STARD3NL: variants seen among roughly 807,000 people sequenced by gnomAD.
STARD3NL encodes the protein STARD3 N-terminal like.
STARD3NL carries 17 observed loss-of-function variants against 30.9 expected under a neutral mutation model. That is an observed-to-expected ratio of 0.55 (90% CI 0.38 to 0.82). The LOEUF is 0.82. Among genes scored for constraint, STARD3NL ranks in the 40% least tolerant of loss-of-function variants. The pLI, the probability that STARD3NL is intolerant of heterozygous loss-of-function variation, is 0.00. For synonymous variants in STARD3NL, 112 were observed against 100.5 expected (o/e 1.11, Z -0.69); for missense variants, 234 against 277.6 (o/e 0.84, Z 1.12).
intron 2 of STARD3NL, among the ~76,000 whole-genome samples, chr7:38,213,418 T>C (rs964861816): frequency 2.6e-5 from 4 of 152,196 alleles, no homozygotes; most frequent in Admixed American, 2.0e-4. Flanking sequence ...AATACAAATA[T>C]GTGAAATGAT....
chr7:38,197,786 A>G (rs1784993496), intron 1 of STARD3NL, among the ~76,000 whole-genome samples: 1 of 152,094 alleles, frequency 6.6e-6, no homozygotes, highest in Admixed American at 6.5e-5. Context: ...AAGCATGCTT[A>G]TTTTTAAAGC....
At position 38,229,505 on chromosome 7, in the gene STARD3NL, G is replaced by A. The variant is rs368731703; in HGVS notation, c.*18-418G>A. Among the ~76,000 whole-genome samples, 8 of 152,182 alleles carry A rather than the reference G, an allele frequency of 5.3e-5. No homozygotes were observed. In the East Asian group the frequency reaches 7.7e-4, roughly 15 times the overall value. On this transcript the variant is annotated intron_variant, in intron 8 of 8. Transcript: ENST00000009041. ...AATCATTTTAACCTCATAAATAGAA[G>A]GCAATTGAAGTAAATTGTAGTAGCA...
chr7:38,224,914 T>C (rs1057360689), intron 7 of STARD3NL, among the ~76,000 whole-genome samples: 1 of 152,166 alleles, frequency 6.6e-6, no homozygotes, highest in Non-Finnish European at 1.5e-5. Context: ...AGAAAAAACA[T>C]AATACTGATA....
rs771700501 is a variant in STARD3NL at position 38,215,030 on chromosome 7, T to C, written c.306T>C (p.Leu102=). ...DYYSSYFDIF[L]LAVFRFKVLI... is the part of the protein sequence containing the mutation. ...TCCCTTTATTTTCTTACTTTCAGCTTCTGGCAGTTTTTCGATTTAAAGTGT... is the reference window on the plus strand; with the variant it reads ...TCCCTTTATTTTCTTACTTTCAGCTCCTGGCAGTTTTTCGATTTAAAGTGT... Residue 102 remains leucine, a splice_region_variant and synonymous_variant, in exon 4 of 9, where the codon CTT becomes CTC. Coordinates refer to ENST00000009041, the MANE Select transcript of STARD3NL (RefSeq NM_032016.4). The C allele has an allele frequency of 6.2e-6, 10 of 1,613,798 alleles. No homozygotes were observed. The highest frequency in any genetic ancestry group is 1.7e-5 in the Admixed American group (1 of 59,974).
At position 38,184,373 on chromosome 7, in the gene STARD3NL, A is replaced by C. The variant is rs1002629744; in HGVS notation, c.-59+5953A>C. ...GGCTGGATAATTTTATAAAGAAAAG[A>C]GGTTTAATTGGCTCACAGTTCTGCA... On this transcript the variant is annotated intron_variant, in intron 1 of 8. Coordinates refer to ENST00000009041, the MANE Select transcript of STARD3NL (RefSeq NM_032016.4). Among the ~76,000 whole-genome samples, 3 of 151,916 alleles carry C rather than the reference A, an allele frequency of 2.0e-5. No homozygotes were observed. In the East Asian group the frequency reaches 5.8e-4, roughly 29 times the overall value.
chr7:38,222,924 C>T (rs1425997277), intron 7 of STARD3NL, among the ~76,000 whole-genome samples: 1 of 152,122 alleles, frequency 6.6e-6, no homozygotes, highest in Non-Finnish European at 1.5e-5. Context: ...AAAGACTACT[C>T]TAGAGCAAAG....
At chr7:38,227,335 C>G (rs1786829372) in intron 7 of STARD3NL, among the ~76,000 whole-genome samples, 1 of 152,134 alleles carries the variant, frequency 6.6e-6, no homozygotes, top group African/African-American at 2.4e-5. Flanking sequence ...TTCCCCACCT[C>G]CTGTCTCTAT....
chr7:38,181,467 C>G (rs1270087896), intron 1 of STARD3NL, among the ~76,000 whole-genome samples: 2 of 151,706 alleles, frequency 1.3e-5, no homozygotes, highest in East Asian at 3.9e-4. Context: ...TTAAAAATGC[C>G]CATTATTTAT....
At chr7:38,192,713 C>T (rs959917489) in intron 1 of STARD3NL, among the ~76,000 whole-genome samples, 4 of 152,108 alleles carry the variant, frequency 2.6e-5, no homozygotes, top group South Asian at 2.1e-4. Flanking sequence ...TCTAAAAAAT[C>T]GGCTGCTGTC....
intron 2 of STARD3NL, among the ~76,000 whole-genome samples, chr7:38,212,282 CCTT>C (rs1327375313): frequency 1.3e-5 from 2 of 152,164 alleles, no homozygotes. Context: ...AGCACACTTG[CCTT>C]CTTCTGTTCT....
In STARD3NL at chr7:38,207,559, C is replaced by T. The variant is rs755503425; in HGVS notation, c.55C>T (p.His19Tyr). ...ENALTGSQSS[H>Y]ASLRNIHSIN... ...CGCTCTCACCGGGAGCCAGAGCTCC[C>T]ATGCTTCTCTGCGCAATATCCATTC... The change falls in exon 2 of 9, where the codon CAT becomes TAT. Residue 19 changes from histidine (H) to tyrosine (Y), a missense_variant. By Grantham distance (83) the His-to-Tyr change is moderately conservative. Transcript: ENST00000009041. 3 of 1,614,046 alleles carry T rather than the reference C, an allele frequency of 1.9e-6. No homozygotes were observed. The highest frequency in any genetic ancestry group is 1.1e-5 in the South Asian group (1 of 91,090).
At chr7:38,209,904 A>G (rs1214441628) in intron 2 of STARD3NL, among the ~76,000 whole-genome samples, 2 of 152,206 alleles carry the variant, frequency 1.3e-5, no homozygotes, top group African/African-American at 4.8e-5. Flanking sequence ...CAATTTAGAA[A>G]TGTGTTTTTA....
At chr7:38,184,455 T>C (rs1784372999) in intron 1 of STARD3NL, among the ~76,000 whole-genome samples, 2 of 151,412 alleles carry the variant, frequency 1.3e-5, no homozygotes, top group Non-Finnish European at 2.9e-5. Context: ...CTTACAGTCA[T>C]GGCAGAAAAA....
At position 38,230,042 on chromosome 7, in the gene STARD3NL, GATTT is replaced by G. The variant is rs1787010930; in HGVS notation, c.*145_*148del. ...CTGGCTTTATTGAACAGCTAATAAA[GATTT>G]ATTTATTGTAATACCTCACAGACGT... is the stretch of plus-strand genomic sequence containing the variant. On this transcript the variant is annotated 3_prime_UTR_variant, in exon 9 of 9. Transcript: ENST00000009041. 6.6e-6 allele frequency: 1 copy of G among 152,634 alleles called. No homozygotes were observed. The highest frequency in any genetic ancestry group is 6.5e-5 in the Admixed American group (1 of 15,282). The allele number at this position is 152,634 out of a possible 1,614,324, so 9.5% of individuals were successfully genotyped here.
At chr7:38,205,046 G>C (rs1785380496) in intron 1 of STARD3NL, among the ~76,000 whole-genome samples, 3 of 152,062 alleles carry the variant, frequency 2.0e-5, no homozygotes, top group South Asian at 2.1e-4. Flanking sequence ...CAGCCGAATT[G>C]TACCAGAGGT....
At chr7:38,192,937 G>A (rs749085506) in intron 1 of STARD3NL, among the ~76,000 whole-genome samples, 8 of 150,690 alleles carry the variant, frequency 5.3e-5, no homozygotes, top group Non-Finnish European at 1.0e-4. Context: ...AGCTTACATT[G>A]TTGTTGGTTT....
At chr7:38,207,813 T>C (rs988214293) in intron 2 of STARD3NL, 84 bp downstream of exon 2, 29 of 1,270,636 alleles carry the variant, frequency 2.3e-5, no homozygotes, top group Non-Finnish European at 3.1e-5. Context: ...TTATCATTTG[T>C]TTCATTTAGT....
At chr7:38,194,569 T>C (rs879742610) in intron 1 of STARD3NL, among the ~76,000 whole-genome samples, 3 of 152,192 alleles carry the variant, frequency 2.0e-5, no homozygotes, top group Admixed American at 2.0e-4. Flanking sequence ...GTGATTTTGA[T>C]AGTAAGCCCA....
intron 1 of STARD3NL, among the ~76,000 whole-genome samples, chr7:38,189,154 A>G (rs1290676541): frequency 2.0e-5 from 3 of 152,138 alleles, no homozygotes; most frequent in Admixed American, 2.0e-4. Flanking sequence ...GGAAAAGGGC[A>G]GAACACAAAG....
Sources: gnomAD v4.1 joint callset for allele counts (sites outside exome capture counted in the v4.1 genomes callset) on GRCh38, gnomAD v4.1.1 for gene constraint, MANE v1.5 for transcripts, NCBI Gene and HGNC (gene_info 2026-07-23, HGNC 2026-07-21) for gene names.